The following CPED1 variants were observed in gnomAD, a reference collection of about 807,000 sequenced individuals.
CPED1 encodes the protein cadherin like and PC-esterase domain containing 1, also known as cadherin-like and PC-esterase domain-containing protein 1.
CPED1 carries 114 observed loss-of-function variants against 128.2 expected under a neutral mutation model. The observed-to-expected ratio is 0.89, with a 90% CI of 0.76 to 1.04. The LOEUF (loss-of-function observed/expected upper bound fraction) is 1.04, where lower values mean the gene tolerates loss of function less well. CPED1 is among the 50% of genes least tolerant of loss of function. The pLI is 0.00. For missense variants in CPED1, 1,211 were observed against 1,207.1 expected (o/e 1.00, Z -0.05); for synonymous variants, 462 against 426.7 (o/e 1.08, Z -1.02).
chr7:121,146,070 C>G (rs1329858323), intron 16 of CPED1, among the ~76,000 whole-genome samples: 8 of 152,090 alleles, frequency 5.3e-5, no homozygotes, highest in African/African-American at 1.9e-4. Context: ...TTGTGCTGCT[C>G]TAACAAAATA....
chr7:121,273,288 T>G (rs1584646939), intron 22 of CPED1, among the ~76,000 whole-genome samples: 1 of 152,010 alleles, frequency 6.6e-6, no homozygotes, highest in African/African-American at 2.4e-5. Context: ...TTTGGGAGGC[T>G]GAGGCGGGTG....
At chr7:121,198,041 T>C (rs189213503) in intron 16 of CPED1, among the ~76,000 whole-genome samples, 3 of 152,262 alleles carry the variant, frequency 2.0e-5, no homozygotes, top group Admixed American at 6.5e-5. Flanking sequence ...CTAATAACAA[T>C]GTGTGGTTAG....
At chr7:121,040,221 A>C (rs1243675621) in intron 3 of CPED1, among the ~76,000 whole-genome samples, 1 of 152,132 alleles carries the variant, frequency 6.6e-6, no homozygotes, top group Non-Finnish European at 1.5e-5. Context: ...TGTATAGTTC[A>C]TTCAGGATCT....
chr7:121,255,831 A>G (rs958380477), intron 18 of CPED1, among the ~76,000 whole-genome samples: 2 of 152,052 alleles, frequency 1.3e-5, no homozygotes, highest in Non-Finnish European at 2.9e-5. Flanking sequence ...AAAATGAAAT[A>G]CCTAGGAATA....
At chr7:121,174,427 A>G (rs910179359) in intron 16 of CPED1, among the ~76,000 whole-genome samples, 5 of 151,562 alleles carry the variant, frequency 3.3e-5, no homozygotes, top group African/African-American at 1.2e-4. Flanking sequence ...TCCAATTTCA[A>G]TCTTCTGAAT....
chr7:121,248,216 A>T (rs1357932100), intron 18 of CPED1, among the ~76,000 whole-genome samples: 1 of 136,162 alleles, frequency 7.3e-6, no homozygotes, highest in African/African-American at 2.6e-5. Context: ...GAGGGATGAC[A>T]TGTGTGGTTT....
chr7:121,087,027 C>T (rs76206269), intron 5 of CPED1, among the ~76,000 whole-genome samples: 3,231 of 152,230 alleles, frequency 0.021, 125 homozygotes, highest in African/African-American at 0.073. Flanking sequence ...AGAAATGACC[C>T]CTTAGAGAGA....
At chr7:121,130,338 T>C (rs1563038181) in intron 12 of CPED1, 44 bp downstream of exon 12, 2 of 1,491,702 alleles carry the variant, frequency 1.3e-6, no homozygotes, top group Non-Finnish European at 1.8e-6. Context: ...AAAAAATCTC[T>C]AGTTTACAGA....
rs116777382 is a variant in CPED1, at chr7:121,007,861, C to T, written c.250-7804C>T. ...TAGAACAGAACTCACTGCTCAGGCC[C>T]TCACAGTTCTCTCTCTTCCCAGGCT... is the stretch of plus-strand genomic sequence containing the variant. On this transcript the variant is annotated intron_variant, in intron 2 of 22. Coordinates refer to ENST00000310396, the MANE Select transcript of CPED1 (RefSeq NM_024913.5). 2.6e-3 allele frequency among the ~76,000 whole-genome samples: 395 copies of T among 152,248 alleles called. 3 individuals carry two copies. The highest frequency in any genetic ancestry group is 9.2e-3 in the African/African-American group (383 of 41,508).
chr7:121,259,528 C>T (rs186946443), intron 18 of CPED1, among the ~76,000 whole-genome samples: 2 of 151,894 alleles, frequency 1.3e-5, no homozygotes, highest in Admixed American at 1.3e-4. Context: ...TGAAAAAAAG[C>T]AAGCTATGTA....
intron 18 of CPED1, among the ~76,000 whole-genome samples, chr7:121,264,444 A>G (rs946690836): frequency 2.6e-5 from 4 of 152,096 alleles, no homozygotes; most frequent in African/African-American, 7.2e-5. Flanking sequence ...CTGGAATGTT[A>G]TTGTTCCAAA....
chr7:121,034,397 A>G (rs747643888), intron 3 of CPED1, among the ~76,000 whole-genome samples: 1 of 151,614 alleles, frequency 6.6e-6, no homozygotes, highest in Non-Finnish European at 1.5e-5. Context: ...ACAGGCATCC[A>G]CCACCATGCC....
intron 18 of CPED1, among the ~76,000 whole-genome samples, chr7:121,246,236 C>T (rs564968755): frequency 2.6e-5 from 4 of 152,320 alleles, no homozygotes; most frequent in African/African-American, 7.2e-5. Context: ...TTGGACACGA[C>T]ACGTCTTGTT....
intron 22 of CPED1, among the ~76,000 whole-genome samples, chr7:121,292,759 T>G (rs1792734854): frequency 6.6e-6 from 1 of 152,158 alleles, no homozygotes; most frequent in African/African-American, 2.4e-5. Context: ...TTAGTTTTCC[T>G]TCTAACAGTC....
Position 121,045,132 on chromosome 7 carries a change from G to C in CPED1, c.434-1755G>C, listed in dbSNP as rs1432598087. On this transcript the variant is annotated intron_variant, in intron 3 of 22. Coordinates refer to ENST00000310396, the MANE Select transcript of CPED1 (RefSeq NM_024913.5). ...ATATAGTATTTGGTTTTGTCTATAG[G>C]AATCTATGGGAACTTTTCTTGAAAG... Among the ~76,000 whole-genome samples, 4 of 152,294 alleles carry C rather than the reference G, an allele frequency of 2.6e-5. No homozygotes were observed. In the East Asian group the frequency reaches 5.8e-4, roughly 22 times the overall value.
chr7:121,263,474 G>A (rs2116739884), intron 18 of CPED1, among the ~76,000 whole-genome samples: 1 of 152,112 alleles, frequency 6.6e-6, no homozygotes, highest in South Asian at 2.1e-4. Context: ...TCACATTTAA[G>A]TCCTCCTACA....
At chr7:121,250,717 GAAGA>G (rs1409651322) in intron 18 of CPED1, among the ~76,000 whole-genome samples, 1 of 152,086 alleles carries the variant, frequency 6.6e-6, no homozygotes, top group Non-Finnish European at 1.5e-5. Context: ...AGAAAATCTA[GAAGA>G]AATGGATAAA....
chr7:121,261,886 C>A (rs1161461944), intron 18 of CPED1: 4 of 653,428 alleles, frequency 6.1e-6, no homozygotes, highest in Non-Finnish European at 1.0e-5. Context: ...GAAATAAAAA[C>A]AAAGATAATT....
At chr7:121,251,115 C>T (rs6466775) in intron 18 of CPED1, among the ~76,000 whole-genome samples, 47,488 of 151,972 alleles carry the variant, frequency 0.31, 7,711 homozygotes, top group Middle Eastern at 0.45. Context: ...AACTTATCCA[C>T]CATGATCAAG....
Sources: allele counts gnomAD v4.1 joint callset (sites outside exome capture counted in the v4.1 genomes callset), GRCh38; gene constraint gnomAD v4.1.1; transcripts MANE v1.5; gene names NCBI Gene and HGNC (gene_info 2026-07-23, HGNC 2026-07-21).